TUBA1C: variants seen among roughly 807,000 people sequenced by gnomAD.
TUBA1C encodes the protein tubulin alpha 1c.
A neutral mutation model predicts 34.9 loss-of-function variants in TUBA1C; 16 were observed. That is an observed-to-expected ratio of 0.46 (90% CI 0.31 to 0.70). The LOEUF (loss-of-function observed/expected upper bound fraction) is 0.70, where lower values mean the gene tolerates loss of function less well. Among genes scored for constraint, TUBA1C ranks in the 30% least tolerant of loss-of-function variants. The pLI is 0.05. For missense variants in TUBA1C, 329 were observed against 587.3 expected (o/e 0.56, Z 4.55); for synonymous variants, 177 against 215.9 (o/e 0.82, Z 1.58).
intron 1 of TUBA1C, among the ~76,000 whole-genome samples, chr12:49,267,200 A>C (rs1287060400): frequency 6.6e-6 from 1 of 152,206 alleles, no homozygotes; most frequent in Admixed American, 6.5e-5. Flanking sequence ...AATGAAAGAA[A>C]AATTGCGGGC....
intron 1 of TUBA1C, among the ~76,000 whole-genome samples, chr12:49,239,970 C>T (rs1000776308): frequency 6.6e-6 from 1 of 151,458 alleles, no homozygotes; most frequent in African/African-American, 2.4e-5. Context: ...AAACTGTTTT[C>T]TCTTGTTGTT....
rs1222646971 is a variant in TUBA1C at position 49,265,147 on chromosome 12, T to G, written c.-35T>G. 6.3e-7 allele frequency: 1 copy of G among 1,598,196 alleles called. No homozygotes were observed. Among genetic ancestry groups the G allele is most frequent in the East Asian group, 2.2e-5 (1 of 44,542 alleles). ...AGATCCTTGTTGCCGTCCCTTCGCC[T>G]CCTTCACCGCCGCAGACCCCTTCAA... is the stretch of plus-strand genomic sequence containing the variant. On this transcript the variant is annotated 5_prime_UTR_variant, in exon 1 of 4. Transcript: ENST00000301072.
chr12:49,244,982 T>A (rs12304746), intron 1 of TUBA1C, among the ~76,000 whole-genome samples: 1,698 of 152,244 alleles, frequency 0.011, 26 homozygotes, highest in African/African-American at 0.038. Context: ...TTGGAGAAGA[T>A]AAATATACTC....
intron 1 of TUBA1C, among the ~76,000 whole-genome samples, chr12:49,266,088 C>A (rs1429568031): frequency 2.7e-5 from 4 of 148,220 alleles, no homozygotes; most frequent in Non-Finnish European, 4.4e-5. Flanking sequence ...CGAGATCGCG[C>A]TACTGCACTC....
intron 1 of TUBA1C, among the ~76,000 whole-genome samples, chr12:49,234,693 G>A (rs949889027): frequency 6.6e-6 from 1 of 152,200 alleles, no homozygotes; most frequent in African/African-American, 2.4e-5. Context: ...CCCCCGCCAC[G>A]CCCTGCTGTT....
intron 1 of TUBA1C, among the ~76,000 whole-genome samples, chr12:49,239,769 T>C (rs1337533100): frequency 2.0e-5 from 3 of 152,026 alleles, no homozygotes; most frequent in Non-Finnish European, 4.4e-5. Context: ...AGTCCAGCCC[T>C]GGCAACAGAG....
intron 1 of TUBA1C, among the ~76,000 whole-genome samples, chr12:49,228,742 G>A (rs1341174890): frequency 6.6e-6 from 1 of 152,080 alleles, no homozygotes; most frequent in Non-Finnish European, 1.5e-5. Flanking sequence ...CTGTGAAGTG[G>A]GAGGGAGAGA....
rs190363191 is a variant in TUBA1C, at chr12:49,272,219, C to T, written c.376-34C>T. The T allele has an allele frequency of 5.7e-4, 890 of 1,564,560 alleles. 4 individuals carry two copies. In the African/African-American group the frequency reaches 0.011, roughly 19 times the overall value. ...AAATGTGAACACTAAATGAAACTTT[C>T]GCAACACTAAAATGAAACTTTTTTA... On this transcript the variant is annotated intron_variant, in intron 3 of 3. Coordinates refer to ENST00000301072, the MANE Select transcript of TUBA1C (RefSeq NM_032704.5).
In TUBA1C at chr12:49,272,324, C is replaced by T. The variant is rs1025109200; in HGVS notation, c.447C>T (p.Phe149=). ...TTGGTGGGGGAACTGGTTCTGGGTT[C>T]ACCTCGCTGCTCATGGAACGTCTCT... The part of the protein sequence containing the change: ...HSFGGGTGSG[F]TSLLMERLSV... Residue 149 remains phenylalanine, a synonymous_variant, in exon 4 of 4, where the codon TTC becomes TTT. Coordinates refer to ENST00000301072, the MANE Select transcript of TUBA1C (RefSeq NM_032704.5). The T allele has an allele frequency of 6.2e-7, 1 of 1,613,994 alleles. No individual in the cohort carries two copies. Among genetic ancestry groups the T allele is most frequent in the African/African-American group, 1.3e-5 (1 of 74,912 alleles).
intron 1 of TUBA1C, among the ~76,000 whole-genome samples, chr12:49,242,046 G>A (rs1214509664): frequency 1.4e-5 from 2 of 147,534 alleles, no homozygotes; most frequent in Non-Finnish European, 3.0e-5. Flanking sequence ...CTGGAGTGCA[G>A]TGGCGTGATC....
At chr12:49,264,359 G>A (rs902089758), upstream of TUBA1C, among the ~76,000 whole-genome samples, 10 of 152,256 alleles carry the variant, frequency 6.6e-5, no homozygotes, top group South Asian at 2.1e-4. Context: ...ATTTAAAGAG[G>A]ACGTAAGGAA....
At chr12:49,230,136 C>T (rs757173277) in intron 1 of TUBA1C, among the ~76,000 whole-genome samples, 3 of 150,612 alleles carry the variant, frequency 2.0e-5, no homozygotes, top group Non-Finnish European at 4.4e-5. Context: ...GAGATCTTTA[C>T]CTGGCAGTAT....
intron 1 of TUBA1C, among the ~76,000 whole-genome samples, chr12:49,254,665 C>T (rs1422797897): frequency 2.0e-5 from 3 of 151,928 alleles, no homozygotes; most frequent in Non-Finnish European, 4.4e-5. Flanking sequence ...TCTGGGAACC[C>T]GGTAGTTTAG....
intron 1 of TUBA1C, among the ~76,000 whole-genome samples, chr12:49,266,609 G>A (rs1020243789): frequency 6.6e-6 from 1 of 152,176 alleles, no homozygotes; most frequent in African/African-American, 2.4e-5. Flanking sequence ...AGCACTTTGG[G>A]AGTCCGAGGC....
intron 1 of TUBA1C, among the ~76,000 whole-genome samples, chr12:49,228,420 A>T (rs1942462132): frequency 6.6e-6 from 1 of 152,206 alleles, no homozygotes; most frequent in Non-Finnish European, 1.5e-5. Flanking sequence ...TCAGATGCAA[A>T]ACACATTAAT....
At chr12:49,245,821 T>A (rs960525782) in intron 1 of TUBA1C, among the ~76,000 whole-genome samples, 5 of 152,206 alleles carry the variant, frequency 3.3e-5, no homozygotes, top group African/African-American at 1.2e-4. Flanking sequence ...GAGGTTACAG[T>A]TCTGGCTGGG....
rs1361426598 is a variant in TUBA1C, at chr12:49,274,153, T to G, written c.*926T>G. On this transcript the variant is annotated 3_prime_UTR_variant, in exon 4 of 4. Coordinates refer to ENST00000301072, the MANE Select transcript of TUBA1C (RefSeq NM_032704.5). ...TTTTTTTTCTTTGAGATGGTCTCTT[T>G]CCCAGGCTGCAGTGCAATGGCACCA... 6.6e-6 allele frequency: 1 copy of G among 152,076 alleles called. No individual in the cohort carries two copies. Among genetic ancestry groups the G allele is most frequent in the Non-Finnish European group, 1.5e-5 (1 of 68,074 alleles). The allele number at this position is 152,076 out of a possible 1,614,324, so 9.4% of individuals were successfully genotyped here. A position where few individuals can be genotyped will look rare whatever the true frequency, so the allele number is the denominator to read the frequency against.
In TUBA1C at chr12:49,273,591, C is replaced by T. The variant is rs1015294543; in HGVS notation, c.*364C>T. ...CTTGTAGAGATGGGGCCTTGCTATG[C>T]TGCCCAGGGTGGTCTTCAACTGGCT... is the stretch of plus-strand genomic sequence containing the variant. On this transcript the variant is annotated 3_prime_UTR_variant, in exon 4 of 4. Transcript: ENST00000301072. 1.7e-5 allele frequency: 6 copies of T among 345,340 alleles called. No individual in the cohort carries two copies. Among genetic ancestry groups the T allele is most frequent in the Non-Finnish European group, 2.2e-5 (4 of 179,098 alleles). The allele number at this position is 345,340 out of a possible 1,614,324, so 21.4% of individuals were successfully genotyped here.
chr12:49,254,972 A>G (rs900023055), intron 1 of TUBA1C, among the ~76,000 whole-genome samples: 41 of 152,096 alleles, frequency 2.7e-4, no homozygotes, highest in African/African-American at 9.6e-4. Flanking sequence ...TTAAGTAGAA[A>G]CGGGGTCCCT....
Sources: gnomAD v4.1 joint callset for allele counts (sites outside exome capture counted in the v4.1 genomes callset) on GRCh38, gnomAD v4.1.1 for gene constraint, MANE v1.5 for transcripts, NCBI Gene and HGNC (gene_info 2026-07-23, HGNC 2026-07-21) for gene names.